Variants in PCDHA3 observed in about 807,000 individuals in gnomAD.
The protein encoded by PCDHA3 is protocadherin alpha-3.
In PCDHA3, 41 loss-of-function variants were observed where a neutral mutation model predicts 62.2. The ratio of observed to expected loss-of-function variants is 0.66; its 90% CI spans 0.51 to 0.86. The LOEUF (loss-of-function observed/expected upper bound fraction) is 0.86, where lower values mean the gene tolerates loss of function less well. Ranked by LOEUF, PCDHA3 falls within the 40% of genes least tolerant of loss-of-function variation. The pLI is 0.00. For missense variants in PCDHA3, 1,304 were observed against 1,241.2 expected (o/e 1.05, Z -0.76); for synonymous variants, 640 against 555.4 (o/e 1.15, Z -2.14).
chr5:140,869,430 C>G (rs73793507), intron 1 of PCDHA3: 1 of 1,614,036 alleles, frequency 6.2e-7, no homozygotes, highest in African/African-American at 1.3e-5. Context: ...TGGAGGTGAT[C>G]GTGGACAGGC....
At chr5:140,948,564 T>C (rs1329949756) in intron 1 of PCDHA3, among the ~76,000 whole-genome samples, 1 of 151,688 alleles carries the variant, frequency 6.6e-6, no homozygotes, top group Non-Finnish European at 1.5e-5. Flanking sequence ...TTAAGTTGTA[T>C]TTTTTAAAGG....
At chr5:140,874,496 T>A (rs1352627184) in intron 1 of PCDHA3, among the ~76,000 whole-genome samples, 1 of 152,214 alleles carries the variant, frequency 6.6e-6, no homozygotes, top group Non-Finnish European at 1.5e-5. Context: ...TGATATCAAG[T>A]TCACATTCTC....
chr5:140,876,481 C>G, intron 1 of PCDHA3: 1 of 1,613,996 alleles, frequency 6.2e-7, no homozygotes, highest in Non-Finnish European at 8.5e-7. Context: ...CAGCATGGTC[C>G]TGGTGGAAGT....
intron 1 of PCDHA3, among the ~76,000 whole-genome samples, chr5:140,972,821 G>A (rs372160406): frequency 3.3e-5 from 5 of 152,010 alleles, no homozygotes; most frequent in East Asian, 3.9e-4. Flanking sequence ...GCGCCACCAC[G>A]CCTGGCTAAT....
chr5:140,876,334 A>T (rs782377581), intron 1 of PCDHA3: 3 of 1,614,030 alleles, frequency 1.9e-6, no homozygotes, highest in Admixed American at 1.7e-5. Context: ...TTTGCCAGTG[A>T]GTGAGAAATG....
chr5:140,830,374 G>T, intron 1 of PCDHA3: 2 of 1,614,156 alleles, frequency 1.2e-6, no homozygotes, highest in Non-Finnish European at 8.5e-7. Context: ...TGTGCTCCGG[G>T]GAGGGCCCAC....
chr5:140,989,528 G>A (rs1451731382), intron 3 of PCDHA3, among the ~76,000 whole-genome samples: 2 of 152,178 alleles, frequency 1.3e-5, no homozygotes, highest in African/African-American at 4.8e-5. Context: ...GGCAGAGGAG[G>A]AAGATAGTTT....
rs533106648 is a variant in PCDHA3, at chr5:140,802,506, G to T, written c.1309G>T (p.Ala437Ser). The T allele has an allele frequency of 1.2e-6, 2 of 1,614,062 alleles. No homozygotes were observed. ...ARDGGSPSLW[A>S]TASVSVEVAD... ...GGACGGGGGCTCGCCTTCACTGTGGGCCACGGCCAGCGTGTCCGTGGAGGT... is the reference window on the plus strand; with the variant it reads ...GGACGGGGGCTCGCCTTCACTGTGGTCCACGGCCAGCGTGTCCGTGGAGGT... Residue 437 changes from alanine to serine, a missense_variant, in exon 1 of 4, where the codon GCC becomes TCC. Ala to Ser is a moderately conservative substitution (Grantham distance 99). Coordinates refer to ENST00000522353, the MANE Select transcript of PCDHA3 (RefSeq NM_018906.3).
chr5:140,967,387 T>A (rs1158599127), intron 1 of PCDHA3: 4 of 1,609,114 alleles, frequency 2.5e-6, no homozygotes, highest in Non-Finnish European at 3.4e-6. Flanking sequence ...GTAAAGTGCT[T>A]GAGCTGGTGC....
chr5:140,839,078 C>T (rs1776029855), intron 1 of PCDHA3, among the ~76,000 whole-genome samples: 1 of 151,898 alleles, frequency 6.6e-6, no homozygotes, highest in African/African-American at 2.4e-5. Flanking sequence ...AAGTCAAAAA[C>T]CTGTCTGATA....
At chr5:140,856,865 A>G in intron 1 of PCDHA3, 2 of 1,595,810 alleles carry the variant, frequency 1.3e-6, no homozygotes, top group African/African-American at 1.3e-5. Context: ...TGAAGGAATA[A>G]ACAAGGAAAT....
intron 3 of PCDHA3, among the ~76,000 whole-genome samples, chr5:140,983,182 C>G (rs782457174): frequency 1.3e-5 from 2 of 152,188 alleles, no homozygotes; most frequent in Non-Finnish European, 2.9e-5. Flanking sequence ...CTCACAATTT[C>G]TTAGTTTAGA....
chr5:140,997,971 G>A (rs2097791982), intron 3 of PCDHA3, among the ~76,000 whole-genome samples: 3 of 152,086 alleles, frequency 2.0e-5, no homozygotes, highest in Admixed American at 2.0e-4. Context: ...CCTGTGGTTG[G>A]ACTGCACTTG....
chr5:140,862,358 ACG>A (rs1554156250), intron 1 of PCDHA3: 1 of 337,982 alleles, frequency 3.0e-6, no homozygotes, highest in Non-Finnish European at 5.8e-6. Context: ...CAAGGGACAG[ACG>A]ACCCGCACCC....
At chr5:141,009,166 T>C (rs949376056) in intron 3 of PCDHA3, among the ~76,000 whole-genome samples, 98 of 152,230 alleles carry the variant, frequency 6.4e-4, no homozygotes, top group African/African-American at 2.2e-3. Context: ...CTGTAAATAC[T>C]GGCCTTGGCT....
At chr5:140,878,855 T>C (rs905851216) in intron 1 of PCDHA3, among the ~76,000 whole-genome samples, 3 of 152,250 alleles carry the variant, frequency 2.0e-5, no homozygotes, top group Admixed American at 6.5e-5. Context: ...TGGGTTCAAC[T>C]GATCCTCCAT....
chr5:140,876,498 C>T, intron 1 of PCDHA3: 4 of 1,613,918 alleles, frequency 2.5e-6, no homozygotes, highest in Non-Finnish European at 2.5e-6. Flanking sequence ...AAGTTCTGGA[C>T]GTGAATGACA....
At chr5:140,823,092 C>T (rs2150122177) in intron 1 of PCDHA3, 5 of 1,614,024 alleles carry the variant, frequency 3.1e-6, no homozygotes, top group East Asian at 2.2e-5. Context: ...CCACCGCCAG[C>T]GTGTCTGTGG....
chr5:140,986,355 T>C (rs1381730343), intron 3 of PCDHA3, among the ~76,000 whole-genome samples: 3 of 152,154 alleles, frequency 2.0e-5, no homozygotes, highest in African/African-American at 7.2e-5. Context: ...CTTCTTCAGA[T>C]GGAGGAATGC....
Sources: allele counts gnomAD v4.1 joint callset (sites outside exome capture counted in the v4.1 genomes callset), GRCh38; gene constraint gnomAD v4.1.1; transcripts MANE v1.5; gene names NCBI Gene and HGNC (gene_info 2026-07-23, HGNC 2026-07-21).